Variants in SNF8 observed in about 807,000 individuals in gnomAD.
The protein encoded by SNF8 is vacuolar-sorting protein SNF8.
In SNF8, 19 loss-of-function variants were observed where a neutral mutation model predicts 36.8. The ratio of observed to expected loss-of-function variants is 0.52; its 90% CI spans 0.36 to 0.76. The LOEUF (loss-of-function observed/expected upper bound fraction) is 0.76. SNF8 is among the 30% of genes least tolerant of loss of function. SNF8 has a pLI of 0.00. For missense variants in SNF8, 268 were observed against 322.9 expected, an observed-to-expected ratio of 0.83 and a Z score of 1.30; for synonymous variants, 127 against 127.4, an observed-to-expected ratio of 1.00 and a Z score of 0.02.
In SNF8 at chr17:48,929,469, A is replaced by C. The variant is rs926800053; in HGVS notation, c.*1006T>G. On this transcript the variant is annotated 3_prime_UTR_variant, in exon 8 of 8. Transcript: ENST00000502492. ...TAGCACTTTTAGGATCTTAGCCTTT[A>C]GACCATAAGGACTTTGGGAGCCTTA... 1 of 152,182 alleles carries C rather than the reference A, an allele frequency of 6.6e-6. No homozygotes were observed. The highest frequency in any genetic ancestry group is 2.4e-5 in the African/African-American group (1 of 41,430). The allele number at this position is 152,182 out of a possible 1,614,324, so 9.4% of individuals were successfully genotyped here. A position where few individuals can be genotyped will look rare whatever the true frequency, so the allele number is the denominator to read the frequency against.
In SNF8 at chr17:48,930,502, A is replaced by G; in HGVS notation, c.750T>C (p.Ala250=). 2 of 1,610,714 alleles carry G rather than the reference A, an allele frequency of 1.2e-6. No individual in the cohort carries two copies. Among genetic ancestry groups the G allele is most frequent in the Non-Finnish European group, 1.7e-6 (2 of 1,178,966 alleles). ...FTDLYSQEIT[A]EEAREALP ...AGGGGAGGGCTTCTCTGGCCTCCTC[A>G]GCTGTAATCTCCTGGGAGTAGAGGT... is the stretch of plus-strand genomic sequence containing the variant. Residue 250 remains alanine (A), a synonymous_variant, in exon 8 of 8, where the codon GCT becomes GCC. Coordinates refer to ENST00000502492, the MANE Select transcript of SNF8 (RefSeq NM_007241.4).
intron 3 of SNF8, 107 bp from the exon 4 acceptor site, chr17:48,937,231 G>A (rs1449474964): frequency 2.3e-6 from 2 of 875,818 alleles, no homozygotes; most frequent in African/African-American, 3.3e-5. Context: ...TCCCTGCATG[G>A]CATGAAGTTC....
intron 7 of SNF8, among the ~76,000 whole-genome samples, chr17:48,931,344 T>C (rs2040855679): frequency 6.6e-6 from 1 of 152,210 alleles, no homozygotes; most frequent in Non-Finnish European, 1.5e-5. Flanking sequence ...CAGTACAAAC[T>C]ACATTAATCT....
At chr17:48,934,499 G>A in intron 5 of SNF8, 1 of 200,926 alleles carries the variant, frequency 5.0e-6, no homozygotes, top group Non-Finnish European at 1.0e-5. Context: ...AGCTACTCAG[G>A]AGGCTGAGGC....
At position 48,944,034 on chromosome 17, in the gene SNF8, T is replaced by G. The variant is rs1030573337; in HGVS notation, c.55-59A>C. The G allele has an allele frequency of 1.9e-6, 3 of 1,540,034 alleles. No individual in the cohort carries two copies. In the African/African-American group the frequency reaches 4.1e-5, roughly 21 times the overall value. Reference sequence around the variant, plus strand: ...AGTGGGCGCTGGAGGCCAGGCGCGGTGGCTCACGCCTGTAATCCCAGAACT... The same window carrying G: ...AGTGGGCGCTGGAGGCCAGGCGCGGGGGCTCACGCCTGTAATCCCAGAACT... On this transcript the variant is annotated intron_variant, in intron 1 of 7. Coordinates refer to ENST00000502492, the MANE Select transcript of SNF8 (RefSeq NM_007241.4).
At chr17:48,931,927 T>G (rs1367196617) in intron 6 of SNF8, 2 of 446,930 alleles carry the variant, frequency 4.5e-6, no homozygotes, top group Non-Finnish European at 8.0e-6. Flanking sequence ...ATCCTAAAAC[T>G]GGGGTACCGG....
At chr17:48,943,783 A>G (rs2041064822) in intron 2 of SNF8, 142 bp downstream of exon 2, 1 of 720,166 alleles carries the variant, frequency 1.4e-6, no homozygotes, top group South Asian at 1.5e-5. Flanking sequence ...AAGTCACCTA[A>G]AAGATCTCAG....
intron 7 of SNF8, among the ~76,000 whole-genome samples, chr17:48,931,139 G>T (rs1005010722): frequency 6.6e-6 from 1 of 152,128 alleles, no homozygotes; most frequent in African/African-American, 2.4e-5. Flanking sequence ...TTAGACAGTT[G>T]AATTGTTTGG....
chr17:48,935,512 C>CAAAAA (rs34255720), intron 5 of SNF8, among the ~76,000 whole-genome samples: 6 of 88,946 alleles, frequency 6.7e-5, no homozygotes, highest in African/African-American at 1.8e-4. Context: ...GACTCTGTCT[C>CAAAAA]AAAAAAAAAA....
At chr17:48,937,199 A>G (rs1264847524) in intron 3 of SNF8, 75 bp from the exon 4 acceptor site, 2 of 1,121,986 alleles carry the variant, frequency 1.8e-6, no homozygotes. Flanking sequence ...CTGCATTAAA[A>G]CATCTATCAT....
intron 3 of SNF8, among the ~76,000 whole-genome samples, chr17:48,938,132 TGTGA>T (rs1270205599): frequency 6.6e-6 from 1 of 152,104 alleles, no homozygotes; most frequent in Non-Finnish European, 1.5e-5. Flanking sequence ...CTGAATGTTC[TGTGA>T]GTTACCAGGA....
Position 48,936,821 on chromosome 17 carries a change from G to A in SNF8, c.349+199C>T, listed in dbSNP as rs1042552959. On this transcript the variant is annotated intron_variant, in intron 4 of 7. Coordinates refer to ENST00000502492, the MANE Select transcript of SNF8 (RefSeq NM_007241.4). ...ACCTTCCTGGCCAAAGATCTTTGGAGAACAGAGACAATCGTTCAGGTAATT... is the reference window on the plus strand; with the variant it reads ...ACCTTCCTGGCCAAAGATCTTTGGAAAACAGAGACAATCGTTCAGGTAATT... 5 of 605,218 alleles carry A rather than the reference G, an allele frequency of 8.3e-6. No individual in the cohort carries two copies. In the Admixed American group the frequency reaches 1.5e-4, roughly 18 times the overall value. 37.5% of individuals were successfully genotyped at this position (605,218 alleles called of 1,614,324 possible).
At chr17:48,938,869 G>A (rs1029260069) in intron 3 of SNF8, among the ~76,000 whole-genome samples, 3 of 147,572 alleles carry the variant, frequency 2.0e-5, no homozygotes, top group Non-Finnish European at 4.5e-5. Flanking sequence ...GCGAGACTCC[G>A]TCTCAAAAAA....
At chr17:48,940,859 C>T (rs1567789237) in intron 3 of SNF8, 65 bp downstream of exon 3, 2 of 1,571,714 alleles carry the variant, frequency 1.3e-6, no homozygotes, top group Non-Finnish European at 8.7e-7. Context: ...GTAACAACAA[C>T]TATGTGAGCT....
At chr17:48,943,108 A>T (rs1456135441) in intron 2 of SNF8, among the ~76,000 whole-genome samples, 1 of 140,668 alleles carries the variant, frequency 7.1e-6, no homozygotes, top group Non-Finnish European at 1.5e-5. Flanking sequence ...TCTGGTGATC[A>T]GCCTTCCTCA....
At position 48,933,212 on chromosome 17, in the gene SNF8, A is replaced by T. The variant is rs997076040; in HGVS notation, c.557T>A (p.Leu186Gln). ...TCGAAGGTGCACCAGTACCTCTGCC[A>T]GCTGCAGCACCACGGTGTGATCCAT... ...LNMDHTVVLQ[L>Q]AEKNGYVTVS... The change falls in exon 6 of 8, where the codon CTG becomes CAG. Residue 186 changes from leucine to glutamine, a missense_variant. Transcript: ENST00000502492. 6.2e-7 allele frequency: 1 copy of T among 1,613,382 alleles called. No homozygotes were observed. The highest frequency in any genetic ancestry group is 8.5e-7 in the Non-Finnish European group (1 of 1,180,012).
intron 7 of SNF8, 32 bp from the exon 8 acceptor site, chr17:48,930,644 G>C: frequency 1.2e-6 from 2 of 1,605,766 alleles, no homozygotes; most frequent in Non-Finnish European, 1.7e-6. Flanking sequence ...AGCAGTTTGA[G>C]AACAGGGAGG....
At chr17:48,940,156 C>G (rs1011678127) in intron 3 of SNF8, among the ~76,000 whole-genome samples, 3 of 151,106 alleles carry the variant, frequency 2.0e-5, no homozygotes, top group African/African-American at 7.3e-5. Flanking sequence ...ATCCTCCCAC[C>G]TTAGCCTCCC....
In SNF8 at chr17:48,929,943, T is replaced by C. The variant is rs1314981269; in HGVS notation, c.*532A>G. ...ATTGTTTGATTCCCCTCAGATTCCA[T>C]TGTTTTCTTTCCTCCAATTTAGCCA... On this transcript the variant is annotated 3_prime_UTR_variant, in exon 8 of 8. Transcript: ENST00000502492. The C allele has an allele frequency of 8.5e-5, 13 of 152,334 alleles. No homozygotes were observed. The East Asian group carries it at 2.3e-3, about 27-fold the overall frequency. The allele number at this position is 152,334 out of a possible 1,614,324, so 9.4% of individuals were successfully genotyped here. A position where few individuals can be genotyped will look rare whatever the true frequency, so the allele number is the denominator to read the frequency against.
Sources: gnomAD v4.1 joint callset for allele counts (sites outside exome capture counted in the v4.1 genomes callset) on GRCh38, gnomAD v4.1.1 for gene constraint, MANE v1.5 for transcripts, NCBI Gene and HGNC (gene_info 2026-07-23, HGNC 2026-07-21) for gene names.